Variants in GAPVD1 observed in about 807,000 individuals in gnomAD.
GAPVD1 encodes GTPase activating protein and VPS9 domains 1.
GAPVD1 carries 35 observed loss-of-function variants against 155.5 expected under a neutral mutation model. The observed-to-expected ratio is 0.23, with a 90% CI of 0.17 to 0.30. GAPVD1 has a LOEUF of 0.30. Ranked by LOEUF, GAPVD1 falls within the 10% of genes least tolerant of loss-of-function variation. GAPVD1 has a pLI of 1.00. For missense variants in GAPVD1, 1,429 were observed against 1,775.7 expected (o/e 0.80, Z 3.51); for synonymous variants, 636 against 619.7 (o/e 1.03, Z -0.39).
At chr9:125,333,959 T>G (rs1294791491) in intron 15 of GAPVD1, among the ~76,000 whole-genome samples, 4 of 152,116 alleles carry the variant, frequency 2.6e-5, no homozygotes, top group African/African-American at 9.7e-5. Context: ...CTTTACCCCC[T>G]GGGGTTGTGA....
chr9:125,306,425 C>T (rs1841821094), intron 6 of GAPVD1, among the ~76,000 whole-genome samples: 1 of 152,166 alleles, frequency 6.6e-6, no homozygotes, highest in South Asian at 2.1e-4. Flanking sequence ...CCAACCATCC[C>T]TTCCTTTCCC....
At chr9:125,353,805 T>G (rs1329060087) in intron 23 of GAPVD1, among the ~76,000 whole-genome samples, 1 of 152,090 alleles carries the variant, frequency 6.6e-6, no homozygotes, top group Non-Finnish European at 1.5e-5. Context: ...TTCAATTCCC[T>G]CCCACAACAC....
chr9:125,307,873 A>T lies in GAPVD1; in HGVS notation c.1434A>T (p.Leu478Phe). The change falls in exon 8 of 28, where the codon TTA becomes TTT. Residue 478 changes from leucine (L) to phenylalanine (F), a missense_variant. By Grantham distance (22) the Leu-to-Phe change is conservative. Transcript: ENST00000297933. Reference protein sequence around the residue: ...ATTPANKKNRLPIATRSRSRT... With the variant: ...ATTPANKKNRFPIATRSRSRT... ...CTCCAGCAAATAAAAAGAATCGATT[A>T]CCTATAGGTAAAGAGAATTTCTCGT... 6.3e-7 allele frequency: 1 copy of T among 1,598,032 alleles called. No individual in the cohort carries two copies. The highest frequency in any genetic ancestry group is 8.6e-7 in the Non-Finnish European group (1 of 1,165,382).
At chr9:125,309,957 G>C (rs2131160661) in intron 8 of GAPVD1, 1 of 468,768 alleles carries the variant, frequency 2.1e-6, no homozygotes, top group Non-Finnish European at 4.4e-6. Context: ...TCACTGCCTG[G>C]GATTCCTCAG....
At position 125,355,793 on chromosome 9, in the gene GAPVD1, G is replaced by A. The variant is rs761782921; in HGVS notation, c.3907G>A (p.Val1303Met). The A allele has an allele frequency of 3.1e-6, 5 of 1,613,646 alleles. No individual in the cohort carries two copies. Among genetic ancestry groups the A allele is most frequent in the Non-Finnish European group, 3.4e-6 (4 of 1,179,584 alleles). Residue 1303 changes from valine (V) to methionine (M), a missense_variant, in exon 25 of 28, where the codon GTG becomes ATG. Around this residue, in one of 4 missense-constraint regions of GAPVD1, gnomAD observed 699 missense variants for 826.0 expected, o/e 0.85. Coordinates refer to ENST00000297933, the MANE Select transcript of GAPVD1 (RefSeq NM_001282680.3). ...TGCACAGCTGGCCATTGAGCGAAGC[G>A]TGATGAACCGGATTTTCAAGCTCGC... ...QDAQLAIERS[V>M]MNRIFKLAFY...
rs1840325587 is a variant in GAPVD1 at position 125,298,878 on chromosome 9, T to G, written c.-32-12T>G. 1 of 1,189,348 alleles carries G rather than the reference T, an allele frequency of 8.4e-7. No individual in the cohort carries two copies. Among genetic ancestry groups the G allele is most frequent in the South Asian group, 1.4e-5 (1 of 69,388 alleles). The allele number at this position is 1,189,348 out of a possible 1,614,324, so 73.7% of individuals were successfully genotyped here. On this transcript the variant is annotated splice_polypyrimidine_tract_variant and intron_variant, in intron 3 of 27. Transcript: ENST00000297933. ...ATACATAAACTTTAAATCTTTATCTTTTTACTCTTAGTGATCAGCCTTTGA... is the reference window on the plus strand; with the variant it reads ...ATACATAAACTTTAAATCTTTATCTGTTTACTCTTAGTGATCAGCCTTTGA...
Position 125,323,879 on chromosome 9 carries a change from G to A in GAPVD1, c.1814G>A (p.Gly605Asp). 2 of 1,613,682 alleles carry A rather than the reference G, an allele frequency of 1.2e-6. No homozygotes were observed. The highest frequency in any genetic ancestry group is 1.7e-6 in the Non-Finnish European group (2 of 1,179,634). ...SVSELGAGPS[G>D]SNGVEALQLL... ...TCAGAACTTGGAGCAGGACCTTCTG[G>A]CAGTAATGGAGTTGAAGCTCTACAG... is the stretch of plus-strand genomic sequence containing the variant. Residue 605 changes from glycine (G) to aspartate (D), a missense_variant, in exon 11 of 28, where the codon GGC (glycine) becomes GAC (aspartate). Coordinates refer to ENST00000297933, the MANE Select transcript of GAPVD1 (RefSeq NM_001282680.3).
intron 2 of GAPVD1, among the ~76,000 whole-genome samples, chr9:125,275,196 C>G (rs1416200695): frequency 2.0e-5 from 3 of 151,964 alleles, no homozygotes; most frequent in Admixed American, 2.0e-4. Context: ...CTGCCTCAGC[C>G]TCCCAAGTAC....
chr9:125,310,387 A>C (rs973624593), intron 8 of GAPVD1, among the ~76,000 whole-genome samples: 1 of 152,166 alleles, frequency 6.6e-6, no homozygotes, highest in Non-Finnish European at 1.5e-5. Context: ...CTTTCATACA[A>C]TGTGAAGTTG....
At chr9:125,349,104 A>C (rs997410520) in intron 20 of GAPVD1, among the ~76,000 whole-genome samples, 2 of 152,198 alleles carry the variant, frequency 1.3e-5, no homozygotes, top group Non-Finnish European at 2.9e-5. Flanking sequence ...AACTTTATTA[A>C]GTTAATGTGA....
rs150790908 is a variant in GAPVD1 at position 125,350,383 on chromosome 9, C to T, written c.3388C>T (p.Pro1130Ser). Residue 1130 changes from proline (P) to serine (S), a missense_variant, in exon 22 of 28, where the codon CCA becomes TCA. Around this residue, in one of 4 missense-constraint regions of GAPVD1, gnomAD observed 699 missense variants for 826.0 expected, o/e 0.85. Transcript: ENST00000297933. ...GACCCATTCAACAAGGAATGGTTTA[C>T]CAGACCACACAGACCCAGAAGGTAA... is the stretch of plus-strand genomic sequence containing the variant. ...VLTHSTRNGL[P>S]DHTDPEDNEI... The T allele has an allele frequency of 3.4e-4, 540 of 1,605,442 alleles. No homozygotes were observed. Among genetic ancestry groups the T allele is most frequent in the Non-Finnish European group, 4.5e-4 (531 of 1,172,730 alleles).
rs778284557 is a variant in GAPVD1, at chr9:125,302,511, G to C, written c.714G>C (p.Lys238Asn). Residue 238 changes from lysine to asparagine, a missense_variant, in exon 5 of 28, where the codon AAG becomes AAC. Transcript: ENST00000297933. ...PSQQEKLFGE[K>N]GSDRFRQKVQ... ...AGCAGGAAAAACTCTTTGGAGAGAA[G>C]GGCTCAGATAGATTCAGGCAAAAAG... is the stretch of plus-strand genomic sequence containing the variant. 4.3e-6 allele frequency: 7 copies of C among 1,613,890 alleles called. No individual in the cohort carries two copies. Among genetic ancestry groups the C allele is most frequent in the Non-Finnish European group, 5.9e-6 (7 of 1,179,968 alleles).
At chr9:125,348,432 C>T (rs1022394452) in intron 20 of GAPVD1, among the ~76,000 whole-genome samples, 4 of 151,898 alleles carry the variant, frequency 2.6e-5, no homozygotes, top group East Asian at 1.9e-4. Flanking sequence ...TGAGCTCAAG[C>T]GATCTTCCTG....
chr9:125,321,398 C>T (rs752287018), intron 9 of GAPVD1, 35 bp from the exon 10 acceptor site: 4 of 1,555,442 alleles, frequency 2.6e-6, no homozygotes, highest in Middle Eastern at 1.7e-4. Flanking sequence ...GTAATCTTTC[C>T]ATTGATAAAC....
In GAPVD1 at chr9:125,293,850, TTTTATATATATATATATATATATATATA is replaced by T. The variant is rs1272421619; in HGVS notation, c.-149-1606_-149-1579del. 9.3e-5 allele frequency among the ~76,000 whole-genome samples: 4 copies of T among 42,866 alleles called. 2 individuals are homozygous for T. The highest frequency in any genetic ancestry group is 1.7e-3 in the East Asian group (2 of 1,178). 28.1% of individuals were successfully genotyped at this position (42,866 alleles called of 152,430 possible). A position where few individuals can be genotyped will look rare whatever the true frequency, so the allele number is the denominator to read the frequency against. ...AAAAAAATATATATATAAAAATATA[TTTTATATATATATATATATATATATATA>T]TATATATATATATATATATATATAT... is the stretch of plus-strand genomic sequence containing the variant. On this transcript the variant is annotated intron_variant, in intron 2 of 27. Coordinates refer to ENST00000297933, the MANE Select transcript of GAPVD1 (RefSeq NM_001282680.3).
intron 13 of GAPVD1, among the ~76,000 whole-genome samples, chr9:125,331,635 A>C (rs925828117): frequency 1.5e-4 from 23 of 152,214 alleles, no homozygotes; most frequent in Non-Finnish European, 2.4e-4. Context: ...ATACCAGGCT[A>C]TTCCATACTC....
In GAPVD1 at chr9:125,347,491, C is replaced by T. The variant is rs1452742118; in HGVS notation, c.3169+550C>T. On this transcript the variant is annotated intron_variant, in intron 20 of 27. Coordinates refer to ENST00000297933, the MANE Select transcript of GAPVD1 (RefSeq NM_001282680.3). ...CTGTAATCCCAGCACTTTGGGGGGC[C>T]GAGGTGGGCAGATCACTTGAGGCCA... Among the ~76,000 whole-genome samples the T allele has an allele frequency of 6.6e-5, 10 of 151,956 alleles. No individual in the cohort carries two copies. The South Asian group carries it at 1.5e-3, about 22-fold the overall frequency.
chr9:125,329,024 G>A (rs988319987), intron 12 of GAPVD1, among the ~76,000 whole-genome samples: 15 of 152,222 alleles, frequency 9.9e-5, no homozygotes, highest in Non-Finnish European at 2.2e-4. Flanking sequence ...TCGGCAGGCT[G>A]AGGCAGGAGA....
At chr9:125,318,985 G>C (rs1311397284) in intron 9 of GAPVD1, among the ~76,000 whole-genome samples, 1 of 151,844 alleles carries the variant, frequency 6.6e-6, no homozygotes, top group Non-Finnish European at 1.5e-5. Context: ...AGACCAGCCT[G>C]GCCAACATGG....
Sources: gnomAD v4.1 joint callset for allele counts (sites outside exome capture counted in the v4.1 genomes callset) on GRCh38, gnomAD v4.1.1 for gene constraint, gnomAD v4.1.1 regional missense constraint, MANE v1.5 for transcripts, NCBI Gene and HGNC (gene_info 2026-07-23, HGNC 2026-07-21) for gene names.